The following YARS1 variants were observed in gnomAD, a reference collection of about 807,000 sequenced individuals.
The protein encoded by YARS1 is tyrosine--tRNA ligase, cytoplasmic.
In YARS1, 36 loss-of-function variants were observed where a neutral mutation model predicts 62.2. The ratio of observed to expected loss-of-function variants is 0.58; its 90% CI spans 0.44 to 0.76. The LOEUF (loss-of-function observed/expected upper bound fraction) is 0.76, where lower values mean the gene tolerates loss of function less well. Among genes scored for constraint, YARS1 ranks in the 30% least tolerant of loss-of-function variants. YARS1 has a pLI of 0.00. For synonymous variants in YARS1, 234 were observed against 244.9 expected, an observed-to-expected ratio of 0.96 and a Z score of 0.42; for missense variants, 524 against 639.8, an observed-to-expected ratio of 0.82 and a Z score of 1.95.
At chr1:32,816,937 C>A (rs2148620585) in intron 1 of YARS1, 1 of 599,392 alleles carries the variant, frequency 1.7e-6, no homozygotes, top group South Asian at 2.0e-5. Context: ...AATGGGAGTC[C>A]TGGATTCAAA....
intron 4 of YARS1, among the ~76,000 whole-genome samples, chr1:32,805,229 G>C (rs1471284512): frequency 6.6e-4 from 4 of 6,056 alleles, no homozygotes; most frequent in Admixed American, 3.5e-3. Flanking sequence ...AAAGGGGAGA[G>C]GGGGAGAGGG....
chr1:32,782,491 T>C lies in YARS1; in HGVS notation c.955A>G (p.Lys319Glu). ...TTTTCCCGGATTGGATCCAGCAACT[T>C]GTTCAGTGCGACTTCAACAGAATTC... ...LKNSVEVALNKLLDPIREKFN... is the reference protein window; with the variant it reads ...LKNSVEVALNELLDPIREKFN... Residue 319 changes from lysine to glutamate, a missense_variant, in exon 9 of 13, where the codon AAG becomes GAG. Physicochemically the swap from Lys to Glu is moderately conservative, Grantham distance 56 (BLOSUM62 1). Coordinates refer to ENST00000373477, the MANE Select transcript of YARS1 (RefSeq NM_003680.4). The C allele has an allele frequency of 6.2e-7, 1 of 1,614,156 alleles. No individual in the cohort carries two copies. Among genetic ancestry groups the C allele is most frequent in the Non-Finnish European group, 8.5e-7 (1 of 1,180,026 alleles).
At position 32,780,142 on chromosome 1, in the gene YARS1, AG is replaced by A. The variant is rs764028295; in HGVS notation, c.1276del (p.Leu426Ter). On this transcript the variant is annotated frameshift_variant, in exon 11 of 13. Transcript: ENST00000373477. LOFTEE classifies it high-confidence loss of function. Reference protein sequence around the residue: ...QDRLVVVLCNLKPQKMRGVES... With the variant: ...QDRLVVVLCNXKPQKMRGVES... ...GACTCCTCTCATCTTCTGGGGTTTC[AG>A]GTTGCACAGCACCACTACCAGCCTG... The A allele has an allele frequency of 1.3e-5, 21 of 1,614,062 alleles. No individual in the cohort carries two copies. The highest frequency in any genetic ancestry group is 1.8e-5 in the Non-Finnish European group (21 of 1,180,042).
At chr1:32,797,676 T>G in intron 5 of YARS1, 87 bp downstream of exon 5, 1 of 1,092,576 alleles carries the variant, frequency 9.2e-7, no homozygotes, top group Non-Finnish European at 1.4e-6. Context: ...ACACTATGAC[T>G]AGTGGGACTG....
At chr1:32,811,141 T>C in intron 1 of YARS1, 84 bp from the exon 2 acceptor site, 2 of 1,598,922 alleles carry the variant, frequency 1.3e-6, no homozygotes, top group Non-Finnish European at 1.7e-6. Context: ...AACAACAGCA[T>C]GTGTCAGTGG....
At chr1:32,798,693 G>A (rs1036284226) in intron 4 of YARS1, among the ~76,000 whole-genome samples, 14 of 152,084 alleles carry the variant, frequency 9.2e-5, no homozygotes, top group Admixed American at 6.6e-4. Flanking sequence ...GTGATGGTGC[G>A]CATCTATAGT....
At chr1:32,794,678 T>C (rs914219601) in intron 5 of YARS1, among the ~76,000 whole-genome samples, 3 of 149,868 alleles carry the variant, frequency 2.0e-5, no homozygotes, top group Non-Finnish European at 3.0e-5. Flanking sequence ...GAGTGACCCA[T>C]TGCGCCCAGC....
In YARS1 at chr1:32,817,268, C is replaced by T. The variant is rs1440177141; in HGVS notation, c.-24G>A. 6.2e-7 allele frequency: 1 copy of T among 1,613,686 alleles called. No homozygotes were observed. The highest frequency in any genetic ancestry group is 1.7e-5 in the Admixed American group (1 of 60,030). On this transcript the variant is annotated 5_prime_UTR_variant, in exon 1 of 13. Transcript: ENST00000373477. The stretch of plus-strand genomic sequence containing the variant: ...ATGGCTCCGCTACCCCTGCTTCCCC[C>T]GCTCAGCCCGGCACCAGAGCCCCTT...
At chr1:32,789,224 T>C (rs1653334464) in intron 6 of YARS1, among the ~76,000 whole-genome samples, 1 of 152,218 alleles carries the variant, frequency 6.6e-6, no homozygotes, top group Non-Finnish European at 1.5e-5. Flanking sequence ...TTTTACAAAT[T>C]ATATATAATG....
At chr1:32,801,036 A>G (rs1638277627) in intron 4 of YARS1, among the ~76,000 whole-genome samples, 1 of 152,202 alleles carries the variant, frequency 6.6e-6, no homozygotes, top group Admixed American at 6.5e-5. Flanking sequence ...CTTTATTAAG[A>G]TTATGATAAA....
intron 11 of YARS1, 194 bp from the exon 12 acceptor site, chr1:32,779,717 C>T: frequency 1.4e-6 from 1 of 699,182 alleles, no homozygotes; most frequent in Non-Finnish European, 2.4e-6. Flanking sequence ...CAGGCTATAC[C>T]AAAATTGTGT....
chr1:32,794,435 C>T (rs1429099905), intron 5 of YARS1, among the ~76,000 whole-genome samples: 2 of 152,086 alleles, frequency 1.3e-5, no homozygotes, highest in Non-Finnish European at 2.9e-5. Context: ...TGTTGCCCAG[C>T]CTGGAGTGCA....
intron 5 of YARS1, 68 bp downstream of exon 5, chr1:32,797,695 T>C: frequency 7.5e-7 from 1 of 1,326,020 alleles, no homozygotes; most frequent in Non-Finnish European, 1.1e-6. Context: ...TGACACATCA[T>C]AGTTCAATAA....
chr1:32,813,248 G>A (rs1021634868), intron 1 of YARS1, among the ~76,000 whole-genome samples: 4 of 152,212 alleles, frequency 2.6e-5, no homozygotes, highest in East Asian at 3.8e-4. Context: ...AGAACTTCCT[G>A]AGGCTGTGTC....
chr1:32,792,523 T>C (rs777717935), intron 5 of YARS1, among the ~76,000 whole-genome samples: 10 of 152,106 alleles, frequency 6.6e-5, no homozygotes, highest in Non-Finnish European at 1.2e-4. Context: ...AAATAGCCAA[T>C]AGAAGCAGAT....
At chr1:32,814,446 A>C (rs1164828387) in intron 1 of YARS1, among the ~76,000 whole-genome samples, 1 of 152,132 alleles carries the variant, frequency 6.6e-6, no homozygotes, top group African/African-American at 2.4e-5. Context: ...GCTGGAGTGC[A>C]GTGATGCAAT....
chr1:32,780,963 C>G, intron 10 of YARS1, 85 bp downstream of exon 10: 1 of 1,255,358 alleles, frequency 8.0e-7, no homozygotes, highest in Non-Finnish European at 1.2e-6. Flanking sequence ...TGTTACTTCC[C>G]ATCTCCAGGC....
chr1:32,798,873 A>T (rs1473607142), intron 4 of YARS1, among the ~76,000 whole-genome samples: 2 of 152,164 alleles, frequency 1.3e-5, no homozygotes, highest in East Asian at 3.8e-4. Flanking sequence ...ACTGTCACTT[A>T]TGACATGCCA....
chr1:32,811,469 G>C, intron 1 of YARS1: 1 of 314,494 alleles, frequency 3.2e-6, no homozygotes, highest in Non-Finnish European at 6.2e-6. Context: ...CTGGTTGATG[G>C]TACCCAAAGC....
Sources: allele counts gnomAD v4.1 joint callset (sites outside exome capture counted in the v4.1 genomes callset), GRCh38; gene constraint gnomAD v4.1.1; transcripts MANE v1.5; gene names NCBI Gene and HGNC (gene_info 2026-07-23, HGNC 2026-07-21).